The following ANKRD44 variants were observed in gnomAD, a reference collection of about 807,000 sequenced individuals.
ANKRD44 encodes the protein serine/threonine-protein phosphatase 6 regulatory ankyrin repeat subunit B.
A neutral mutation model predicts 116.0 loss-of-function variants in ANKRD44; 35 were observed. That is an observed-to-expected ratio of 0.30 (90% confidence interval 0.23 to 0.40). The LOEUF is 0.40. Among genes scored for constraint, ANKRD44 ranks in the 10% least tolerant of loss-of-function variants. The pLI is 1.00. For synonymous variants in ANKRD44, 435 were observed against 461.8 expected (o/e 0.94, Z 0.74); for missense variants, 1,014 against 1,242.6 (o/e 0.82, Z 2.77).
At chr2:197,289,310 T>C (rs1334838078) in intron 1 of ANKRD44, among the ~76,000 whole-genome samples, 2 of 152,188 alleles carry the variant, frequency 1.3e-5, no homozygotes, top group Non-Finnish European at 2.9e-5. Flanking sequence ...AACCCATATG[T>C]ATTGTTGGGG....
intron 1 of ANKRD44, among the ~76,000 whole-genome samples, chr2:197,284,238 A>G (rs2083342183): frequency 6.6e-6 from 1 of 152,158 alleles, no homozygotes; most frequent in Non-Finnish European, 1.5e-5. Context: ...GAGATGAAGA[A>G]ATGAGGGTCA....
At position 197,005,765 on chromosome 2, in the gene ANKRD44, G is replaced by A. The variant is rs926110300; in HGVS notation, c.2276C>T (p.Ala759Val). Residue 759 changes from alanine (A) to valine (V), a missense_variant, in exon 21 of 28, where the codon GCT becomes GTT. Coordinates refer to ENST00000282272, the MANE Select transcript of ANKRD44 (RefSeq NM_001195144.2). ...GAAACAACAGTCCTCCTCAGAAAGA[G>A]CCATTTGGAGCAGCTCGCTCAGCCA... ...ATWLSELLQM[A>V]LSEEDCCFKD... 4 of 1,614,218 alleles carry A rather than the reference G, an allele frequency of 2.5e-6. No homozygotes were observed. The highest frequency in any genetic ancestry group is 3.4e-6 in the Non-Finnish European group (4 of 1,180,042).
At chr2:197,123,579 C>T (rs776573386) in intron 6 of ANKRD44, among the ~76,000 whole-genome samples, 3 of 152,098 alleles carry the variant, frequency 2.0e-5, no homozygotes, top group Non-Finnish European at 2.9e-5. Flanking sequence ...TGCAGTGAGC[C>T]GACATCACAC....
chr2:197,013,804 G>A, intron 17 of ANKRD44, 92 bp from the exon 18 acceptor site: 1 of 1,279,546 alleles, frequency 7.8e-7, no homozygotes, highest in Non-Finnish European at 1.1e-6. Flanking sequence ...CTGGGCCATG[G>A]ATAGAGACCA....
At chr2:197,178,276 G>A (rs778051869) in intron 2 of ANKRD44, among the ~76,000 whole-genome samples, 3 of 152,042 alleles carry the variant, frequency 2.0e-5, no homozygotes, top group Non-Finnish European at 4.4e-5. Context: ...TTTGAGACGA[G>A]CCTGGGCAAC....
At chr2:197,150,369 A>G (rs185562532) in intron 2 of ANKRD44, among the ~76,000 whole-genome samples, 1 of 152,254 alleles carries the variant, frequency 6.6e-6, no homozygotes, top group East Asian at 1.9e-4. Flanking sequence ...TAACACGGTG[A>G]AACCCCATTT....
At position 196,989,105 on chromosome 2, in the gene ANKRD44, G is replaced by T; in HGVS notation, c.*486C>A. The T allele has an allele frequency of 1.0e-6, 1 of 985,310 alleles. No individual in the cohort carries two copies. The highest frequency in any genetic ancestry group is 1.2e-6 in the Non-Finnish European group (1 of 829,962). 61.0% of individuals were successfully genotyped at this position (985,310 alleles called of 1,614,324 possible). ...TGCTAGGTTTGGCCCTTGGGCTTTTGGCTAGCCCAGGGTCAAGTGTTTTTT... is the reference window on the plus strand; with the variant it reads ...TGCTAGGTTTGGCCCTTGGGCTTTTTGCTAGCCCAGGGTCAAGTGTTTTTT... On this transcript the variant is annotated 3_prime_UTR_variant, in exon 28 of 28. Transcript: ENST00000282272.
intron 9 of ANKRD44, among the ~76,000 whole-genome samples, chr2:197,101,536 T>G (rs1380678178): frequency 1.3e-5 from 2 of 152,172 alleles, no homozygotes; most frequent in Admixed American, 6.5e-5. Flanking sequence ...AGGAATGCAC[T>G]GGATGCCACT....
At chr2:197,179,632 A>G (rs555296388) in intron 2 of ANKRD44, among the ~76,000 whole-genome samples, 2 of 152,332 alleles carry the variant, frequency 1.3e-5, no homozygotes, top group African/African-American at 4.8e-5. Flanking sequence ...CAAAACATCC[A>G]TCTCTAGTAT....
chr2:197,136,451 TA>T, intron 4 of ANKRD44, 140 bp downstream of exon 4: 1 of 731,076 alleles, frequency 1.4e-6, no homozygotes, highest in Non-Finnish European at 2.3e-6. Context: ...GATACTCAAA[TA>T]AAAGCTGTTC....
At chr2:196,999,102 C>T (rs368764496) in intron 23 of ANKRD44, 50 bp from the exon 24 acceptor site, 1,743 of 1,595,062 alleles carry the variant, frequency 1.1e-3, no homozygotes, top group Non-Finnish European at 1.4e-3. Flanking sequence ...ACTTTATTCT[C>T]GCTAGTTACT....
At chr2:197,025,852 T>C (rs916041345) in intron 16 of ANKRD44, among the ~76,000 whole-genome samples, 5 of 151,852 alleles carry the variant, frequency 3.3e-5, no homozygotes, top group Non-Finnish European at 7.4e-5. Flanking sequence ...GAAGAGGAAA[T>C]AGTCAATGAT....
chr2:197,018,071 C>G (rs1032339778), intron 17 of ANKRD44, among the ~76,000 whole-genome samples: 1 of 152,200 alleles, frequency 6.6e-6, no homozygotes, highest in Non-Finnish European at 1.5e-5. Context: ...CTTTAAAATA[C>G]GTCCAGAATC....
intron 2 of ANKRD44, among the ~76,000 whole-genome samples, chr2:197,184,846 G>A (rs375722633): frequency 6.6e-6 from 1 of 151,944 alleles, no homozygotes; most frequent in African/African-American, 2.4e-5. Context: ...ATACATTTAG[G>A]GGTCTATGTG....
At chr2:196,977,391 C>G (rs1484323866) in intron 21 of ANKRD44, among the ~76,000 whole-genome samples, 2 of 152,240 alleles carry the variant, frequency 1.3e-5, no homozygotes, top group East Asian at 3.9e-4. Flanking sequence ...TCAAAGGATA[C>G]TGTCGAGAAA....
intron 1 of ANKRD44, among the ~76,000 whole-genome samples, chr2:197,191,133 G>A (rs972192732): frequency 6.6e-6 from 1 of 152,222 alleles, no homozygotes; most frequent in African/African-American, 2.4e-5. Context: ...CTTAGCAGCT[G>A]CAAAATGATT....
chr2:196,967,508 AT>A, intron 21 of ANKRD44: 2 of 433,080 alleles, frequency 4.6e-6, no homozygotes, highest in Non-Finnish European at 4.9e-6. Context: ...TAATTGTTGC[AT>A]TTTTCGGTAA....
intron 27 of ANKRD44, 31 bp from the exon 28 acceptor site, chr2:196,989,680 C>T (rs761690161): frequency 6.5e-7 from 1 of 1,549,438 alleles, no homozygotes; most frequent in Non-Finnish European, 8.7e-7. Flanking sequence ...ACAGTATTCA[C>T]TATGTTGATT....
intron 17 of ANKRD44, chr2:197,015,786 T>A: frequency 2.4e-6 from 1 of 418,596 alleles, no homozygotes; most frequent in Non-Finnish European, 4.6e-6. Flanking sequence ...ACCAAGGGGG[T>A]AGATATGGTG....
Sources: gnomAD v4.1 joint callset for allele counts (sites outside exome capture counted in the v4.1 genomes callset) on GRCh38, gnomAD v4.1.1 for gene constraint, MANE v1.5 for transcripts, NCBI Gene and HGNC (gene_info 2026-07-23, HGNC 2026-07-21) for gene names.